PLSCR5: variants seen among roughly 807,000 people sequenced by gnomAD.
PLSCR5 encodes the protein phospholipid scramblase family, member 5.
A neutral mutation model predicts 33.6 loss-of-function variants in PLSCR5; 44 were observed. The observed-to-expected ratio is 1.31, with a 90% CI of 1.03 to 1.69. The LOEUF is 1.69. Ranked by LOEUF, PLSCR5 falls within the 40% of genes most tolerant of loss-of-function variation. The pLI is 0.00. For synonymous variants in PLSCR5, 148 were observed against 112.3 expected, an observed-to-expected ratio of 1.32 and a Z score of -2.01; for missense variants, 375 against 318.7, an observed-to-expected ratio of 1.18 and a Z score of -1.34.
At chr3:146,592,618 T>C (rs1296018829) in intron 4 of PLSCR5, among the ~76,000 whole-genome samples, 2 of 152,142 alleles carry the variant, frequency 1.3e-5, no homozygotes, top group Non-Finnish European at 1.5e-5. Flanking sequence ...ACTTTTCTTA[T>C]GAAGTTCATA....
Position 146,600,273 on chromosome 3 carries a change from G to A in PLSCR5, c.189+15C>T. 1 of 1,527,300 alleles carries A rather than the reference G, an allele frequency of 6.5e-7. No individual in the cohort carries two copies. The allele number at this position is 1,527,300 out of a possible 1,614,324, so 94.6% of individuals were successfully genotyped here. A position where few individuals can be genotyped will look rare whatever the true frequency, so the allele number is the denominator to read the frequency against. ...AGGGTAGAACATATCTGTAGTAATA[G>A]AAAGATAAAAACACCTGGCTTAAAT... On this transcript the variant is annotated intron_variant, in intron 2 of 7. Coordinates refer to ENST00000443512, the MANE Select transcript of PLSCR5 (RefSeq NM_001085420.2).
chr3:146,589,746 A>G lies in PLSCR5; in HGVS notation c.684T>C (p.Asp228=), dbSNP rs745359954. The change falls in exon 6 of 8, where the codon GAT becomes GAC. Residue 228 remains aspartate (D), a synonymous_variant. Transcript: ENST00000443512. ...CGAAATTGTCAGCATTTGTGAAGAC[A>G]TCATTTACAAATCCTGACCAGTACT... ...ISKYWSGFVN[D]VFTNADNFGI... is the part of the protein sequence containing the mutation. The G allele has an allele frequency of 1.9e-6, 3 of 1,596,292 alleles. No homozygotes were observed. The South Asian group carries it at 3.3e-5, about 18-fold the overall frequency.
At chr3:146,588,826 A>C (rs60897919) in intron 6 of PLSCR5, among the ~76,000 whole-genome samples, 11,383 of 152,250 alleles carry the variant, frequency 0.075, 489 homozygotes, top group East Asian at 0.16. Context: ...AATTAGGGGA[A>C]AAGGCATCAT....
intron 1 of PLSCR5, among the ~76,000 whole-genome samples, chr3:146,602,850 T>C (rs1466914323): frequency 6.6e-6 from 1 of 152,082 alleles, no homozygotes; most frequent in Non-Finnish European, 1.5e-5. Flanking sequence ...TCCAGAAGCA[T>C]TAATGCACTT....
At chr3:146,580,298 C>G (rs1346896152) in intron 7 of PLSCR5, among the ~76,000 whole-genome samples, 1 of 152,032 alleles carries the variant, frequency 6.6e-6, no homozygotes, top group Non-Finnish European at 1.5e-5. Flanking sequence ...AATTTCTCTT[C>G]CTAAACTTGC....
chr3:146,593,541 G>A (rs1230228788), intron 4 of PLSCR5, among the ~76,000 whole-genome samples: 1 of 152,134 alleles, frequency 6.6e-6, no homozygotes, highest in Non-Finnish European at 1.5e-5. Flanking sequence ...ATACCTTAGA[G>A]GAGTTTAATA....
intron 2 of PLSCR5, among the ~76,000 whole-genome samples, chr3:146,598,689 T>C (rs1385377448): frequency 6.6e-6 from 1 of 152,202 alleles, no homozygotes; most frequent in Admixed American, 6.5e-5. Flanking sequence ...GGTATATCAC[T>C]TTTATACTTG....
intron 4 of PLSCR5, 66 bp from the exon 5 acceptor site, chr3:146,591,947 G>A: frequency 1.5e-6 from 2 of 1,334,578 alleles, no homozygotes; most frequent in Admixed American, 2.7e-5. Context: ...TTACTATAAT[G>A]TCAATTTACC....
intron 5 of PLSCR5, among the ~76,000 whole-genome samples, chr3:146,590,689 T>G (rs1047897332): frequency 3.3e-5 from 5 of 152,108 alleles, no homozygotes; most frequent in African/African-American, 1.2e-4. Flanking sequence ...ATCATATTAC[T>G]CGTAGGAAAG....
At chr3:146,584,885 T>C (rs2044656445), downstream of PLSCR5, among the ~76,000 whole-genome samples, 1 of 152,180 alleles carries the variant, frequency 6.6e-6, no homozygotes, top group South Asian at 2.1e-4. Context: ...GCATACATTC[T>C]CTTTTTCTAA....
chr3:146,579,362 A>C (rs2044618802), intron 7 of PLSCR5, among the ~76,000 whole-genome samples: 1 of 152,144 alleles, frequency 6.6e-6, no homozygotes. Context: ...AAACTTACCA[A>C]ACAGGAGTAA....
chr3:146,602,540 T>C (rs1050924712), intron 1 of PLSCR5, among the ~76,000 whole-genome samples: 4 of 152,014 alleles, frequency 2.6e-5, no homozygotes, highest in African/African-American at 9.7e-5. Context: ...TTGGTGGTGG[T>C]CATGAATGGG....
At chr3:146,601,372 A>G (rs922734774) in intron 1 of PLSCR5, among the ~76,000 whole-genome samples, 1 of 151,974 alleles carries the variant, frequency 6.6e-6, no homozygotes, top group Non-Finnish European at 1.5e-5. Context: ...TTTTTTTTCA[A>G]AGAATATCAG....
chr3:146,586,017 G>C lies in PLSCR5; in HGVS notation c.*44+13C>G. The C allele has an allele frequency of 7.0e-7, 1 of 1,431,214 alleles. No homozygotes were observed. Among genetic ancestry groups the C allele is most frequent in the Non-Finnish European group, 9.3e-7 (1 of 1,079,726 alleles). The allele number at this position is 1,431,214 out of a possible 1,614,324, so 88.7% of individuals were successfully genotyped here. ...AAAGGGAAAGAGATCATTTAAACTT[G>C]CTTTTTACTTACTGAAATATGTTCT... On this transcript the variant is annotated intron_variant, in intron 7 of 7. Coordinates refer to ENST00000443512, the MANE Select transcript of PLSCR5 (RefSeq NM_001085420.2).
rs1254515705 is a variant in PLSCR5 at position 146,594,031 on chromosome 3, G to A, written c.342C>T (p.Ser114=). The change falls in exon 4 of 8, where the codon TCC becomes TCT. Residue 114 remains serine (S), a synonymous_variant. Transcript: ENST00000443512. ...ESICFNRTFC[S]TLRSCTLRIT... is the part of the protein sequence containing the mutation. The stretch of plus-strand genomic sequence containing the variant: ...TCCTCAGGGTGCAAGATCGCAGAGT[G>A]GAACAGAAAGTACGATTGAAGCAGA... 6.2e-7 allele frequency: 1 copy of A among 1,613,758 alleles called. No homozygotes were observed. The highest frequency in any genetic ancestry group is 1.7e-5 in the Admixed American group (1 of 59,950).
chr3:146,600,416 G>T lies in PLSCR5; in HGVS notation c.61C>A (p.Pro21Thr), dbSNP rs753163319. 5.6e-6 allele frequency: 9 copies of T among 1,605,218 alleles called. No individual in the cohort carries two copies. The East Asian group carries it at 1.6e-4, about 28-fold the overall frequency. The change falls in exon 2 of 8, where the codon CCA becomes ACA. Residue 21 changes from proline (P) to threonine (T), a missense_variant. Physicochemically the swap from Pro to Thr is conservative, Grantham distance 38. Coordinates refer to ENST00000443512, the MANE Select transcript of PLSCR5 (RefSeq NM_001085420.2). ...RGLPGFLPGA[P>T]DPDQSLPASS... ...GCAGGAAGGCTTTGGTCTGGGTCTGGAGCTCCAGGAAGAAAACCAGGCAGA... is the reference window on the plus strand; with the variant it reads ...GCAGGAAGGCTTTGGTCTGGGTCTGTAGCTCCAGGAAGAAAACCAGGCAGA...
intron 6 of PLSCR5, among the ~76,000 whole-genome samples, chr3:146,588,964 A>G (rs2044687395): frequency 6.6e-6 from 1 of 152,202 alleles, no homozygotes; most frequent in Non-Finnish European, 1.5e-5. Context: ...TAAAAACTCC[A>G]TAAGTTTTTA....
rs1292128717 is a variant in PLSCR5, at chr3:146,600,360, C to A, written c.117G>T (p.Gln39His). The A allele has an allele frequency of 6.2e-7, 1 of 1,608,912 alleles. No individual in the cohort carries two copies. The highest frequency in any genetic ancestry group is 1.3e-5 in the African/African-American group (1 of 74,788). Residue 39 changes from glutamine (Q) to histidine (H), a missense_variant, in exon 2 of 8, where the codon CAG becomes CAT. Physicochemically the swap from Gln to His is conservative, Grantham distance 24. Coordinates refer to ENST00000443512, the MANE Select transcript of PLSCR5 (RefSeq NM_001085420.2). ...ASSNPGNQAW[Q>H]LSLPLPSSFL... ...AACTGCTTGGCAGAGGGAGACTCAG[C>A]TGCCATGCTTGGTTCCCTGGATTGG...
intron 4 of PLSCR5, among the ~76,000 whole-genome samples, chr3:146,593,082 G>T (rs1209902060): frequency 1.3e-5 from 2 of 151,968 alleles, no homozygotes; most frequent in Non-Finnish European, 2.9e-5. Context: ...TCACCCTAAG[G>T]CCAGTACTTA....
Sources: allele counts gnomAD v4.1 joint callset (sites outside exome capture counted in the v4.1 genomes callset), GRCh38; gene constraint gnomAD v4.1.1; transcripts MANE v1.5; gene names NCBI Gene and HGNC (gene_info 2026-07-23, HGNC 2026-07-21).